The following FGF12 variants were observed in gnomAD, a reference collection of about 807,000 sequenced individuals.
FGF12 encodes fibroblast growth factor 12.
A neutral mutation model predicts 23.6 loss-of-function variants in FGF12; 14 were observed. The ratio of observed to expected loss-of-function variants is 0.59; its 90% CI spans 0.39 to 0.93. The LOEUF is 0.93. FGF12 is among the 40% of genes least tolerant of loss of function. The probability of loss-of-function intolerance (pLI) is 0.00; values close to 1 mark genes in which losing one functional copy is unlikely to be tolerated. For missense variants in FGF12, 175 were observed against 217.8 expected, an observed-to-expected ratio of 0.80 and a Z score of 1.24; for synonymous variants, 62 against 77.3, an observed-to-expected ratio of 0.80 and a Z score of 1.04.
chr3:192,456,831 T>G (rs1722696961), intron 2 of FGF12, among the ~76,000 whole-genome samples: 2 of 152,164 alleles, frequency 1.3e-5, no homozygotes, highest in Non-Finnish European at 2.9e-5. Flanking sequence ...TCCTATACAC[T>G]CAAAAGCTAG....
intron 4 of FGF12, among the ~76,000 whole-genome samples, chr3:192,212,105 T>C (rs1717958142): frequency 6.6e-6 from 1 of 152,208 alleles, no homozygotes; most frequent in Admixed American, 6.5e-5. Context: ...CTGTCACTTA[T>C]ACAGACGTGC....
At chr3:192,473,307 A>ATTTCCTTGTGC (rs1723226118) in intron 2 of FGF12, among the ~76,000 whole-genome samples, 1 of 152,160 alleles carries the variant, frequency 6.6e-6, no homozygotes, top group Non-Finnish European at 1.5e-5. Context: ...GCTTTCACTA[A>ATTTCCTTGTGC]TTTATTCCCA....
intron 2 of FGF12, among the ~76,000 whole-genome samples, chr3:192,464,132 C>T (rs1241024135): frequency 1.3e-5 from 2 of 152,146 alleles, no homozygotes; most frequent in African/African-American, 4.8e-5. Context: ...GTTGTTGCTG[C>T]TGTTGCTGTT....
intron 4 of FGF12, among the ~76,000 whole-genome samples, chr3:192,176,266 C>T (rs1460925): frequency 0.086 from 13,052 of 152,240 alleles, 606 homozygotes; most frequent in Middle Eastern, 0.11. Flanking sequence ...ATAACAGATG[C>T]TCTTTCAAGA....
At chr3:192,316,271 A>C (rs1312169915) in intron 4 of FGF12, among the ~76,000 whole-genome samples, 47 of 152,136 alleles carry the variant, frequency 3.1e-4, no homozygotes, top group Admixed American at 3.1e-3. Flanking sequence ...AACTACCTAC[A>C]CAAAAAAAAA....
chr3:192,683,831 C>G (rs1356427071), intron 2 of FGF12, among the ~76,000 whole-genome samples: 1 of 152,174 alleles, frequency 6.6e-6, no homozygotes, highest in African/African-American at 2.4e-5. Context: ...CTGATGTAAA[C>G]TGAGCCAAAA....
At chr3:192,181,040 T>G (rs1716141260) in intron 4 of FGF12, among the ~76,000 whole-genome samples, 1 of 152,146 alleles carries the variant, frequency 6.6e-6, no homozygotes, top group South Asian at 2.1e-4. Context: ...GGCAGGAGAC[T>G]GTACGGAGAT....
chr3:192,409,796 G>A lies in FGF12; in HGVS notation c.14-49258C>T, dbSNP rs557815715. Among the ~76,000 whole-genome samples the A allele has an allele frequency of 2.6e-5, 4 of 152,198 alleles. No individual in the cohort carries two copies. The highest frequency in any genetic ancestry group is 2.1e-4 in the South Asian group (1 of 4,830). On this transcript the variant is annotated intron_variant, in intron 2 of 5. Transcript: ENST00000445105. The surrounding 1 kb of genome is among the most constrained non-coding windows in gnomAD (Gnocchi z 4.8). ...GGGCGCAACCCGGGCGCTTGGGGCC[G>A]GAGGCGGAATCAGGGGCCGGGGCCA... is the stretch of plus-strand genomic sequence containing the variant.
intron 2 of FGF12, among the ~76,000 whole-genome samples, chr3:192,663,208 C>A (rs185692673): frequency 1.3e-5 from 2 of 152,114 alleles, no homozygotes; most frequent in Non-Finnish European, 2.9e-5. Flanking sequence ...GGTTGTCAGG[C>A]AGTTGTCTAT....
intron 2 of FGF12, among the ~76,000 whole-genome samples, chr3:192,590,492 G>A (rs1713571008): frequency 6.6e-6 from 1 of 151,704 alleles, no homozygotes; most frequent in African/African-American, 2.4e-5. Flanking sequence ...CTTTTTAGCA[G>A]GAAAACAATA....
At chr3:192,635,800 AG>A (rs1237834065) in intron 2 of FGF12, among the ~76,000 whole-genome samples, 4 of 152,132 alleles carry the variant, frequency 2.6e-5, no homozygotes, top group African/African-American at 7.2e-5. Flanking sequence ...TCTCTTCTGA[AG>A]TTCTATGGAG....
intron 2 of FGF12, among the ~76,000 whole-genome samples, chr3:192,498,665 G>A (rs535689058): frequency 6.6e-6 from 1 of 152,078 alleles, no homozygotes; most frequent in Non-Finnish European, 1.5e-5. Context: ...CCCTGATTGA[G>A]TATATATTTG....
At chr3:192,501,646 C>T (rs1407207933) in intron 2 of FGF12, among the ~76,000 whole-genome samples, 3 of 152,314 alleles carry the variant, frequency 2.0e-5, no homozygotes, top group East Asian at 3.9e-4. Flanking sequence ...ACTGAGCACA[C>T]GCACACAATG....
chr3:192,257,501 C>A (rs1283582911), intron 4 of FGF12, among the ~76,000 whole-genome samples: 1 of 152,092 alleles, frequency 6.6e-6, no homozygotes, highest in Non-Finnish European at 1.5e-5. Flanking sequence ...CCATCATTAT[C>A]TTGGGATTTT....
intron 2 of FGF12, among the ~76,000 whole-genome samples, chr3:192,643,911 A>C (rs550250071): frequency 1.3e-5 from 2 of 152,304 alleles, no homozygotes; most frequent in Non-Finnish European, 2.9e-5. Flanking sequence ...ATTTATCGGA[A>C]GTTTTCTTGT....
intron 4 of FGF12, among the ~76,000 whole-genome samples, chr3:192,229,253 C>T (rs567788739): frequency 1.3e-5 from 2 of 151,796 alleles, no homozygotes; most frequent in African/African-American, 4.8e-5. Flanking sequence ...GAATGTCTTT[C>T]CATTTTACCA....
chr3:192,684,685 A>T (rs968791504), intron 2 of FGF12, among the ~76,000 whole-genome samples: 4 of 152,154 alleles, frequency 2.6e-5, no homozygotes, highest in Non-Finnish European at 4.4e-5. Flanking sequence ...TATTTTGATG[A>T]TCATCATCAA....
At chr3:192,319,425 C>A (rs1340697728) in intron 4 of FGF12, among the ~76,000 whole-genome samples, 1 of 151,862 alleles carries the variant, frequency 6.6e-6, no homozygotes, top group African/African-American at 2.4e-5. Context: ...GGTGAAACTT[C>A]GCCTCTACTA....
intron 2 of FGF12, among the ~76,000 whole-genome samples, chr3:192,620,870 C>T (rs767610263): frequency 2.3e-4 from 35 of 152,068 alleles, no homozygotes; most frequent in Non-Finnish European, 3.4e-4. Context: ...GACCTGGGCT[C>T]GAGCTCAGTA....
Sources: allele counts gnomAD v4.1 joint callset (sites outside exome capture counted in the v4.1 genomes callset), GRCh38; gene constraint gnomAD v4.1.1; non-coding constraint Gnocchi (gnomAD v3.1); transcripts MANE v1.5; gene names NCBI Gene and HGNC (gene_info 2026-07-23, HGNC 2026-07-21).